The following CEP57 variants were observed in gnomAD, a reference collection of about 807,000 sequenced individuals.
The protein encoded by CEP57 is centrosomal protein 57, also known as centrosomal protein of 57 kDa.
Under a neutral mutation model 68.0 loss-of-function variants are expected in CEP57, and 40 were observed. The observed-to-expected ratio is 0.59, with a 90% CI of 0.46 to 0.77. CEP57 has a LOEUF of 0.77. Ranked by LOEUF, CEP57 falls within the 30% of genes least tolerant of loss-of-function variation. CEP57 has a pLI of 0.00. For missense variants in CEP57, 606 were observed against 580.7 expected (o/e 1.04, Z -0.45); for synonymous variants, 219 against 198.7 (o/e 1.10, Z -0.86).
rs1409457943 is a variant in CEP57 at position 95,831,554 on chromosome 11, G to C, written c.*298G>C. ...ACAGATTACCAGTTTTTTACTTGTG[G>C]GTGTGATTTTTTAAAATAGTTCTTT... On this transcript the variant is annotated 3_prime_UTR_variant, in exon 11 of 11. Coordinates refer to ENST00000325542, the MANE Select transcript of CEP57 (RefSeq NM_014679.5). 1 of 196,356 alleles carries C rather than the reference G, an allele frequency of 5.1e-6. No homozygotes were observed. Among genetic ancestry groups the C allele is most frequent in the Non-Finnish European group, 1.0e-5 (1 of 96,532 alleles). 12.2% of individuals were successfully genotyped at this position (196,356 alleles called of 1,614,324 possible). A position where few individuals can be genotyped will look rare whatever the true frequency, so the allele number is the denominator to read the frequency against.
chr11:95,805,584 C>A (rs1320281730), intron 2 of CEP57, among the ~76,000 whole-genome samples: 4 of 152,094 alleles, frequency 2.6e-5, no homozygotes, highest in Non-Finnish European at 4.4e-5. Flanking sequence ...GGACTCAATT[C>A]GTAAAAGACG....
rs549031067 is a variant in CEP57, at chr11:95,823,755, A to T, written c.885+1179A>T. ...ATGAGCTCAAGGGTTGGGAGTATTC[A>T]CTTAAAATGCCACGTGACGCTAATC... On this transcript the variant is annotated intron_variant, in intron 8 of 10. Transcript: ENST00000325542. 8.5e-4 allele frequency among the ~76,000 whole-genome samples: 129 copies of T among 152,248 alleles called. 1 individual carries two copies. Among genetic ancestry groups the T allele is most frequent in the Non-Finnish European group, 1.4e-3 (93 of 68,022 alleles).
At chr11:95,811,132 A>G (rs1383287216) in intron 2 of CEP57, among the ~76,000 whole-genome samples, 1 of 152,228 alleles carries the variant, frequency 6.6e-6, no homozygotes, top group African/African-American at 2.4e-5. Context: ...AGACACATAC[A>G]CATGTATGTT....
intron 1 of CEP57, among the ~76,000 whole-genome samples, chr11:95,793,436 A>G (rs1267725519): frequency 6.6e-6 from 1 of 152,150 alleles, no homozygotes; most frequent in Non-Finnish European, 1.5e-5. Flanking sequence ...ACCAAGCTGC[A>G]CAGTAGCTCC....
intron 1 of CEP57, among the ~76,000 whole-genome samples, chr11:95,792,673 G>C (rs1861144317): frequency 6.6e-6 from 1 of 151,900 alleles, no homozygotes; most frequent in Admixed American, 6.5e-5. Flanking sequence ...AAATATCAAG[G>C]GTACACTAAG....
chr11:95,795,458 G>A (rs1308530770), intron 1 of CEP57: 6 of 426,582 alleles, frequency 1.4e-5, no homozygotes, highest in South Asian at 6.0e-5. Context: ...GTCATGATAC[G>A]AAATTGGGAT....
In CEP57 at chr11:95,830,927, A is replaced by C; in HGVS notation, c.1273-99A>C. On this transcript the variant is annotated intron_variant, in intron 10 of 10. Coordinates refer to ENST00000325542, the MANE Select transcript of CEP57 (RefSeq NM_014679.5). ...TGTATTATTTTTCAGTTAGCATGAG[A>C]GTTAACCAAAAAAAGGTACTCTTGT... is the stretch of plus-strand genomic sequence containing the variant. 9.4e-6 allele frequency: 8 copies of C among 851,886 alleles called. 1 individual carries two copies. The South Asian group carries it at 1.2e-4, about 12-fold the overall frequency. 52.8% of individuals were successfully genotyped at this position (851,886 alleles called of 1,614,324 possible).
chr11:95,797,165 C>G (rs1474085307), intron 1 of CEP57, among the ~76,000 whole-genome samples: 2 of 127,684 alleles, frequency 1.6e-5, no homozygotes, highest in South Asian at 6.5e-4. Context: ...ACCCCACCCC[C>G]CTCCCAACAC....
At chr11:95,813,380 T>C (rs1862157596) in intron 3 of CEP57, 88 bp from the exon 4 acceptor site, 1 of 1,505,744 alleles carries the variant, frequency 6.6e-7, no homozygotes, top group South Asian at 1.2e-5. Context: ...TTTTATTGTA[T>C]ACACAATAGA....
intron 1 of CEP57, chr11:95,795,594 G>A: frequency 2.0e-6 from 1 of 507,548 alleles, no homozygotes; most frequent in Non-Finnish European, 3.5e-6. Context: ...ATTTTAAAAG[G>A]AATATTTCAA....
At chr11:95,795,462 T>C (rs1144667) in intron 1 of CEP57, 9,870 of 434,092 alleles carry the variant, frequency 0.023, 803 homozygotes, top group African/African-American at 0.18. Context: ...TGATACGAAA[T>C]TGGGATTCTT....
Position 95,799,403 on chromosome 11 carries a change from C to G in CEP57, c.202+15C>G. ...CAACAGCAGAGGTAATCGAGCCTAA[C>G]GAAATAAATGTTATTTGTGTTTTCT... On this transcript the variant is annotated intron_variant, in intron 2 of 10. Coordinates refer to ENST00000325542, the MANE Select transcript of CEP57 (RefSeq NM_014679.5). 6.2e-7 allele frequency: 1 copy of G among 1,613,490 alleles called. No individual in the cohort carries two copies. Among genetic ancestry groups the G allele is most frequent in the Non-Finnish European group, 8.5e-7 (1 of 1,179,638 alleles).
At chr11:95,813,415 A>T in intron 3 of CEP57, 53 bp from the exon 4 acceptor site, 1 of 1,595,912 alleles carries the variant, frequency 6.3e-7, no homozygotes. Context: ...ACAGCTTGTT[A>T]AAACTATTTT....
At chr11:95,809,908 T>A (rs1861976640) in intron 2 of CEP57, among the ~76,000 whole-genome samples, 1 of 152,018 alleles carries the variant, frequency 6.6e-6, no homozygotes. Flanking sequence ...AAAAGAGAAT[T>A]TTACACCGAT....
intron 2 of CEP57, among the ~76,000 whole-genome samples, chr11:95,803,328 T>C (rs961823615): frequency 1.3e-5 from 2 of 152,194 alleles, no homozygotes; most frequent in Admixed American, 6.5e-5. Flanking sequence ...AAAAGTCAAG[T>C]ATAATAGAGA....
chr11:95,799,095 G>C (rs1156959406), intron 1 of CEP57, 137 bp from the exon 2 acceptor site: 3 of 810,300 alleles, frequency 3.7e-6, no homozygotes, highest in Non-Finnish European at 4.1e-6. Flanking sequence ...TTTAATGATT[G>C]AATTGTATTG....
In CEP57 at chr11:95,831,092, G is replaced by A. The variant is rs756553344; in HGVS notation, c.1339G>A (p.Glu447Lys). The A allele has an allele frequency of 1.2e-6, 2 of 1,613,490 alleles. No homozygotes were observed. The highest frequency in any genetic ancestry group is 1.7e-6 in the Non-Finnish European group (2 of 1,179,662). ...LKATKKTLDE[E>K]RNSSSRSGIT... ...AGCTACCAAAAAGACTCTTGATGAA[G>A]AAAGAAACAGCAGCAGCCGTTCTGG... Residue 447 changes from glutamate (E) to lysine (K), a missense_variant, in exon 11 of 11, where the codon GAA (glutamate) becomes AAA (lysine). Glu to Lys is a moderately conservative substitution (Grantham distance 56). Coordinates refer to ENST00000325542, the MANE Select transcript of CEP57 (RefSeq NM_014679.5).
intron 1 of CEP57, among the ~76,000 whole-genome samples, chr11:95,792,345 T>A (rs771913799): frequency 4.6e-5 from 7 of 152,154 alleles, no homozygotes; most frequent in African/African-American, 1.7e-4. Context: ...AAATGTTGAA[T>A]TGAGTCTGGG....
intron 2 of CEP57, among the ~76,000 whole-genome samples, chr11:95,804,502 C>G (rs1371581371): frequency 6.6e-6 from 1 of 152,024 alleles, no homozygotes; most frequent in Admixed American, 6.6e-5. Flanking sequence ...TCTAGGCGCC[C>G]CTGAGGCAAC....
Sources: gnomAD v4.1 joint callset for allele counts (sites outside exome capture counted in the v4.1 genomes callset) on GRCh38, gnomAD v4.1.1 for gene constraint, MANE v1.5 for transcripts, NCBI Gene and HGNC (gene_info 2026-07-23, HGNC 2026-07-21) for gene names.